The following ACSBG1 variants were observed in gnomAD, a reference collection of about 807,000 sequenced individuals.
The protein encoded by ACSBG1 is acyl-CoA synthetase bubblegum family member 1.
In ACSBG1, 39 loss-of-function variants were observed where a neutral mutation model predicts 80.2. The observed-to-expected ratio is 0.49, with a 90% CI of 0.38 to 0.64. ACSBG1 has a LOEUF of 0.64. ACSBG1 is among the 30% of genes least tolerant of loss of function. ACSBG1 has a pLI of 0.00. For synonymous variants in ACSBG1, 392 were observed against 379.5 expected (o/e 1.03, Z -0.38); for missense variants, 828 against 966.4 (o/e 0.86, Z 1.90).
chr15:78,226,602 A>T, intron 1 of ACSBG1: 1 of 208,190 alleles, frequency 4.8e-6, no homozygotes, highest in South Asian at 6.7e-5. Context: ...GCAAGACTCC[A>T]TCTCTACAAA....
In ACSBG1 at chr15:78,194,680, G is replaced by C. The variant is rs769158131; in HGVS notation, c.279C>G (p.Arg93=). 1.2e-6 allele frequency: 2 copies of C among 1,613,784 alleles called. No homozygotes were observed. The highest frequency in any genetic ancestry group is 1.7e-6 in the Non-Finnish European group (2 of 1,179,946). Residue 93 remains arginine (R), a synonymous_variant, in exon 3 of 14, where the codon CGC becomes CGG. Transcript: ENST00000258873. ...GAAGCTGTGGGCAGCTGGGGTCTAT[G>C]CGCAGGCGCACCCGCCCATCGGCCC... is the stretch of plus-strand genomic sequence containing the variant. ...TTRADGRVRL[R]IDPSCPQLPY...
Position 78,234,504 on chromosome 15 carries a change from G to C in ACSBG1, c.-3C>G. 1 of 1,609,778 alleles carries C rather than the reference G, an allele frequency of 6.2e-7. No individual in the cohort carries two copies. ...CCAGCTCCAGAATTGCGTGGCATCT[G>C]CCTCGGGCTTCCACTGAAGACAGCT... is the stretch of plus-strand genomic sequence containing the variant. On this transcript the variant is annotated 5_prime_UTR_variant, in exon 1 of 14. Coordinates refer to ENST00000258873, the MANE Select transcript of ACSBG1 (RefSeq NM_015162.5).
At chr15:78,193,804 G>A in intron 4 of ACSBG1, 128 bp downstream of exon 4, 2 of 1,425,608 alleles carry the variant, frequency 1.4e-6, no homozygotes, top group Non-Finnish European at 1.9e-6. Context: ...AGGTCCACCA[G>A]AAGGCCCCAG....
intron 5 of ACSBG1, among the ~76,000 whole-genome samples, chr15:78,184,835 G>A (rs1033474357): frequency 1.3e-5 from 2 of 152,176 alleles, no homozygotes; most frequent in African/African-American, 2.4e-5. Context: ...GTGCCCATAC[G>A]GTGTACACAT....
intron 9 of ACSBG1, 35 bp from the exon 10 acceptor site, chr15:78,179,815 T>TCA (rs58848105): frequency 0.17 from 158,051 of 929,294 alleles, 5,221 homozygotes; most frequent in East Asian, 0.47. Context: ...ACAGAAGAAA[T>TCA]CACACACACA....
chr15:78,207,917 T>TCCCCCACCCCCCCCC, intron 2 of ACSBG1, 85 bp downstream of exon 2: 1 of 876,066 alleles, frequency 1.1e-6, no homozygotes. Flanking sequence ...TGTGTGGTGG[T>TCCCCCACCCCCCCCC]CCCCCACACC....
At chr15:78,203,468 G>C (rs1484621567) in intron 2 of ACSBG1, among the ~76,000 whole-genome samples, 3 of 152,230 alleles carry the variant, frequency 2.0e-5, no homozygotes, top group Admixed American at 2.0e-4. Context: ...TCAGCTGAGA[G>C]CTGGGGGGTA....
At chr15:78,212,635 C>A (rs1457997789) in intron 1 of ACSBG1, 15 of 455,272 alleles carry the variant, frequency 3.3e-5, no homozygotes, top group African/African-American at 1.2e-4. Context: ...TGAGCTTGCC[C>A]AGGAGAGAGC....
chr15:78,211,541 C>G (rs748819111), intron 1 of ACSBG1, among the ~76,000 whole-genome samples: 1 of 152,250 alleles, frequency 6.6e-6, no homozygotes, highest in African/African-American at 2.4e-5. Context: ...CATAAGCACA[C>G]TTTAAGCTCA....
At chr15:78,198,599 C>A (rs1380355600) in intron 2 of ACSBG1, among the ~76,000 whole-genome samples, 1 of 148,242 alleles carries the variant, frequency 6.7e-6, no homozygotes, top group Non-Finnish European at 1.5e-5. Context: ...CTGCCTGCCT[C>A]GGCCTCCCAA....
At position 78,180,603 on chromosome 15, in the gene ACSBG1, G is replaced by A. The variant is rs553809423; in HGVS notation, c.1253+152C>T. On this transcript the variant is annotated intron_variant, in intron 9 of 13. Coordinates refer to ENST00000258873, the MANE Select transcript of ACSBG1 (RefSeq NM_015162.5). ...CCCTGGGAAACGCACAGGAGCTCAA[G>A]CCCAGTCATTGATGGGGCCTCTGCA... The A allele has an allele frequency of 9.1e-5, 88 of 963,544 alleles. No individual in the cohort carries two copies. In the South Asian group the frequency reaches 1.5e-3, roughly 16 times the overall value. The allele number at this position is 963,544 out of a possible 1,614,324, so 59.7% of individuals were successfully genotyped here.
chr15:78,224,100 C>G (rs1390027753), intron 1 of ACSBG1, among the ~76,000 whole-genome samples: 2 of 152,140 alleles, frequency 1.3e-5, no homozygotes, highest in African/African-American at 2.4e-5. Flanking sequence ...TTGTCTTAAG[C>G]CACCAAGTTT....
In ACSBG1 at chr15:78,176,641, T is replaced by C. The variant is rs530630773; in HGVS notation, c.1702+1973A>G. 2.6e-5 allele frequency among the ~76,000 whole-genome samples: 4 copies of C among 152,224 alleles called. No individual in the cohort carries two copies. The East Asian group carries it at 5.8e-4, about 22-fold the overall frequency. ...GCAAAAATCTCTACACTAGAAAACA[T>C]AGGCTGGATGCAGTGGCTCACACCT... On this transcript the variant is annotated intron_variant, in intron 11 of 13. Coordinates refer to ENST00000258873, the MANE Select transcript of ACSBG1 (RefSeq NM_015162.5).
chr15:78,232,640 C>T (rs141065296), intron 1 of ACSBG1, among the ~76,000 whole-genome samples: 8 of 152,172 alleles, frequency 5.3e-5, no homozygotes, highest in African/African-American at 1.9e-4. Flanking sequence ...CCTGGCTGTC[C>T]TCATGCCTGT....
At chr15:78,227,338 A>G (rs947318860) in intron 1 of ACSBG1, among the ~76,000 whole-genome samples, 15 of 152,074 alleles carry the variant, frequency 9.9e-5, no homozygotes, top group Non-Finnish European at 1.8e-4. Context: ...ATATATAAAG[A>G]ATGCCTACAA....
chr15:78,195,577 T>G (rs779916379), intron 2 of ACSBG1, among the ~76,000 whole-genome samples: 11 of 152,116 alleles, frequency 7.2e-5, no homozygotes, highest in Non-Finnish European at 1.6e-4. Context: ...AGGGGAAAGA[T>G]GAGGACTCAG....
chr15:78,223,661 C>T (rs1409991696), intron 1 of ACSBG1, among the ~76,000 whole-genome samples: 1 of 152,180 alleles, frequency 6.6e-6, no homozygotes, highest in African/African-American at 2.4e-5. Flanking sequence ...TTGAAAATGT[C>T]CCTCACAAGT....
In ACSBG1 at chr15:78,194,804, C is replaced by T. The variant is rs948667415; in HGVS notation, c.233-78G>A. 5 of 1,441,510 alleles carry T rather than the reference C, an allele frequency of 3.5e-6. No homozygotes were observed. The African/African-American group carries it at 4.2e-5, about 12-fold the overall frequency. 89.3% of individuals were successfully genotyped at this position (1,441,510 alleles called of 1,614,324 possible). ...TCCTGCCCTGGGCAGAGCTCGCAGC[C>T]CGTCTGGTGCTGACAATGCCTTGGG... On this transcript the variant is annotated intron_variant, in intron 2 of 13. Transcript: ENST00000258873.
intron 1 of ACSBG1, among the ~76,000 whole-genome samples, chr15:78,220,567 C>T (rs564484884): frequency 1.1e-4 from 16 of 152,112 alleles, no homozygotes; most frequent in Non-Finnish European, 1.9e-4. Flanking sequence ...GCAAATCATA[C>T]ATGTGATAAG....
Sources: gnomAD v4.1 joint callset for allele counts (sites outside exome capture counted in the v4.1 genomes callset) on GRCh38, gnomAD v4.1.1 for gene constraint, MANE v1.5 for transcripts, NCBI Gene and HGNC (gene_info 2026-07-23, HGNC 2026-07-21) for gene names.